VNN1: variants seen among roughly 807,000 people sequenced by gnomAD.
The protein encoded by VNN1 is pantetheinase.
In VNN1, 29 loss-of-function variants were observed where a neutral mutation model predicts 41.9. That is an observed-to-expected ratio of 0.69 (90% CI 0.52 to 0.94). The LOEUF is 0.94. VNN1 is among the 40% of genes least tolerant of loss of function. VNN1 has a pLI of 0.00. For missense variants in VNN1, 637 were observed against 621.1 expected, an observed-to-expected ratio of 1.03 and a Z score of -0.27; for synonymous variants, 233 against 224.4, an observed-to-expected ratio of 1.04 and a Z score of -0.34.
intron 4 of VNN1, 133 bp from the exon 5 acceptor site, chr6:132,692,717 A>G: frequency 7.9e-7 from 1 of 1,265,994 alleles, no homozygotes; most frequent in African/African-American, 1.5e-5. Context: ...TTTCAGTAAA[A>G]CATGCTGATA....
At chr6:132,696,106 T>G (rs2114352052) in intron 2 of VNN1, among the ~76,000 whole-genome samples, 1 of 151,294 alleles carries the variant, frequency 6.6e-6, no homozygotes, top group Middle Eastern at 3.4e-3. Context: ...GTGGAGAAAA[T>G]CAAAAAACAA....
Position 132,692,276 on chromosome 6 carries a change from C to A in VNN1, c.1135G>T (p.Ala379Ser), listed in dbSNP as rs752967604. The A allele has an allele frequency of 1.3e-5, 21 of 1,613,290 alleles. No individual in the cohort carries two copies. The highest frequency in any genetic ancestry group is 1.0e-4 in the Admixed American group (6 of 59,970). ...MSENIPNEVY[A>S]LGAFDGLHTV... is the part of the protein sequence containing the mutation. ...TGCAGTCCGTCAAATGCCCCTAGAGCGTACACTTCATTTGGTATGTTCTCA... is the reference window on the plus strand; with the variant it reads ...TGCAGTCCGTCAAATGCCCCTAGAGAGTACACTTCATTTGGTATGTTCTCA... The change falls in exon 5 of 7, where the codon GCT becomes TCT. Residue 379 changes from alanine to serine, a missense_variant. Ala to Ser is a moderately conservative substitution (Grantham distance 99, BLOSUM62 1). Coordinates refer to ENST00000367928, the MANE Select transcript of VNN1 (RefSeq NM_004666.3).
At position 132,681,315 on chromosome 6, in the gene VNN1, C is replaced by T. The variant is rs1455033727; in HGVS notation, c.*1825G>A. Among the ~76,000 whole-genome samples, 1 of 152,126 alleles carries T rather than the reference C, an allele frequency of 6.6e-6. No individual in the cohort carries two copies. Among genetic ancestry groups the T allele is most frequent in the Non-Finnish European group, 1.5e-5 (1 of 68,032 alleles). On this transcript the variant is annotated 3_prime_UTR_variant, in exon 7 of 7. Coordinates refer to ENST00000367928, the MANE Select transcript of VNN1 (RefSeq NM_004666.3). ...TTTCTAGCATCCTAAAGAATGGAGGCCTGGCAACCGCCGTGAGTGAGCTGA... is the reference window on the plus strand; with the variant it reads ...TTTCTAGCATCCTAAAGAATGGAGGTCTGGCAACCGCCGTGAGTGAGCTGA...
chr6:132,710,294 C>T (rs1356167203), intron 2 of VNN1, among the ~76,000 whole-genome samples: 1 of 152,176 alleles, frequency 6.6e-6, no homozygotes, highest in Non-Finnish European at 1.5e-5. Context: ...AGGTGATCCT[C>T]CTGCCTCGGC....
chr6:132,699,953 A>G (rs1210934079), intron 2 of VNN1, among the ~76,000 whole-genome samples: 1 of 152,208 alleles, frequency 6.6e-6, no homozygotes, highest in East Asian at 1.9e-4. Flanking sequence ...AATAGCATGA[A>G]TTTTGAAAGT....
intron 6 of VNN1, 49 bp from the exon 7 acceptor site, chr6:132,683,371 C>T: frequency 6.5e-7 from 1 of 1,538,784 alleles, no homozygotes. Context: ...GTTTTACAAT[C>T]CCATAAATCA....
At chr6:132,703,716 G>T (rs921400316) in intron 2 of VNN1, among the ~76,000 whole-genome samples, 2 of 151,954 alleles carry the variant, frequency 1.3e-5, no homozygotes, top group African/African-American at 4.8e-5. Context: ...ATAAAACATT[G>T]AATGTAAATG....
At chr6:132,685,979 T>C (rs901362524) in intron 5 of VNN1, among the ~76,000 whole-genome samples, 11 of 151,514 alleles carry the variant, frequency 7.3e-5, no homozygotes, top group African/African-American at 2.7e-4. Context: ...GCCATTTTCC[T>C]CACTTGGATC....
At chr6:132,710,922 T>C (rs913452808) in intron 2 of VNN1, among the ~76,000 whole-genome samples, 1 of 152,224 alleles carries the variant, frequency 6.6e-6, no homozygotes, top group Non-Finnish European at 1.5e-5. Context: ...GTATTTCTGG[T>C]TCTAGATCCT....
chr6:132,713,983 C>T lies in VNN1; in HGVS notation c.53G>A (p.Arg18Lys), dbSNP rs1180652205. Residue 18 changes from arginine to lysine, a missense_variant, in exon 1 of 7, where the codon AGA (arginine) becomes AAA (lysine). Transcript: ENST00000367928. The part of the protein sequence containing the change: ...YVAILLFYVS[R>K]ASCQDTFTAA... ...AGTGAAAGTGTCCTGGCAGCTGGCT[C>T]TTGAGACATAGAAAAGCAAAATTGC... The T allele has an allele frequency of 1.2e-6, 2 of 1,613,998 alleles. No individual in the cohort carries two copies. Among genetic ancestry groups the T allele is most frequent in the African/African-American group, 2.7e-5 (2 of 74,920 alleles).
intron 2 of VNN1, among the ~76,000 whole-genome samples, chr6:132,704,461 C>T (rs1441662448): frequency 6.6e-6 from 1 of 151,944 alleles, no homozygotes; most frequent in Non-Finnish European, 1.5e-5. Context: ...CCTGAATTAC[C>T]AGCAGGTTAA....
chr6:132,701,440 T>A (rs994001112), intron 2 of VNN1, among the ~76,000 whole-genome samples: 5 of 152,146 alleles, frequency 3.3e-5, no homozygotes, highest in Admixed American at 6.5e-5. Context: ...ACAGCTAACA[T>A]CCTATGGAAT....
intron 2 of VNN1, among the ~76,000 whole-genome samples, chr6:132,710,375 G>GTAT (rs1778582060): frequency 6.6e-6 from 1 of 151,896 alleles, no homozygotes; most frequent in Non-Finnish European, 1.5e-5. Flanking sequence ...TTTAATTTTA[G>GTAT]TATTATTATT....
intron 2 of VNN1, among the ~76,000 whole-genome samples, chr6:132,697,476 T>C (rs1778390700): frequency 6.6e-6 from 1 of 152,114 alleles, no homozygotes; most frequent in Non-Finnish European, 1.5e-5. Context: ...TTTTATTCTT[T>C]TACAAAGTTA....
Position 132,681,873 on chromosome 6 carries a change from G to A in VNN1, c.*1267C>T, listed in dbSNP as rs1250784448. On this transcript the variant is annotated 3_prime_UTR_variant, in exon 7 of 7. Transcript: ENST00000367928. ...GTTTGTCTCAAAATGATGTTTTGCT[G>A]GCATAGATCACTACTGCAAGTGCCT... The A allele has an allele frequency of 6.6e-6, 1 of 152,608 alleles. No individual in the cohort carries two copies. The highest frequency in any genetic ancestry group is 1.5e-5 in the Non-Finnish European group (1 of 68,032). 9.5% of individuals were successfully genotyped at this position (152,608 alleles called of 1,614,324 possible).
chr6:132,708,177 A>G (rs1778547055), intron 2 of VNN1, among the ~76,000 whole-genome samples: 1 of 152,204 alleles, frequency 6.6e-6, no homozygotes, highest in Non-Finnish European at 1.5e-5. Flanking sequence ...AGAAATATGC[A>G]AGCTTTCTTC....
rs1384799004 is a variant in VNN1, at chr6:132,680,944, A to C, written c.*2196T>G. Among the ~76,000 whole-genome samples the C allele has an allele frequency of 1.3e-5, 2 of 152,194 alleles. No individual in the cohort carries two copies. The highest frequency in any genetic ancestry group is 2.9e-5 in the Non-Finnish European group (2 of 68,036). On this transcript the variant is annotated 3_prime_UTR_variant, in exon 7 of 7. Coordinates refer to ENST00000367928, the MANE Select transcript of VNN1 (RefSeq NM_004666.3). Reference sequence around the variant, plus strand: ...CGTAACTATTGGGAGTGTATTTTGAAATACATATCACATATAGCAAAAAGA... The same window carrying C: ...CGTAACTATTGGGAGTGTATTTTGACATACATATCACATATAGCAAAAAGA...
rs182943254 is a variant in VNN1, at chr6:132,685,428, G to A, written c.1189-923C>T. Among the ~76,000 whole-genome samples, 7 of 152,242 alleles carry A rather than the reference G, an allele frequency of 4.6e-5. No individual in the cohort carries two copies. The East Asian group carries it at 1.2e-3, about 25-fold the overall frequency. On this transcript the variant is annotated intron_variant, in intron 5 of 6. Coordinates refer to ENST00000367928, the MANE Select transcript of VNN1 (RefSeq NM_004666.3). ...ACTTCAGTGCAAGTGTATTAAGATG[G>A]GATAGAAGTAACTTTCAGGTAAAGG...
At chr6:132,690,954 G>A (rs1171699732) in intron 5 of VNN1, among the ~76,000 whole-genome samples, 1 of 152,172 alleles carries the variant, frequency 6.6e-6, no homozygotes, top group African/African-American at 2.4e-5. Flanking sequence ...TCTTGGTGAC[G>A]ATAACACCAG....
Sources: gnomAD v4.1 joint callset for allele counts (sites outside exome capture counted in the v4.1 genomes callset) on GRCh38, gnomAD v4.1.1 for gene constraint, MANE v1.5 for transcripts, NCBI Gene and HGNC (gene_info 2026-07-23, HGNC 2026-07-21) for gene names.